CT47A2: variants seen among roughly 807,000 people sequenced by gnomAD.
CT47A2 encodes the protein cancer/testis antigen family 47 member A2, also known as cancer/testis antigen 47A.
Position 120,980,019 on chromosome X carries a change from C to A in CT47A2, c.651G>T (p.Glu217Asp). 1 allele frequency: 1 copy of A among 1 alleles called. No individual in the cohort carries two copies. The highest frequency in any genetic ancestry group is 1 in the South Asian group (1 of 1). 0.0% of individuals were successfully genotyped at this position (1 alleles called of 1,213,427 possible). ...CTGTGGCCTCCTCTGAGAGCTTCTC[C>A]TCTGCGGCCTCCTCCGCGGGCTCCC... is the stretch of plus-strand genomic sequence containing the variant. ...MAREPAEEAAEEKLSEEATEE... is the reference protein window; with the variant it reads ...MAREPAEEAADEKLSEEATEE... Residue 217 changes from glutamate to aspartate, a missense_variant, in exon 1 of 3, where the codon GAG becomes GAT. Glu to Asp is a conservative substitution (Grantham distance 45, BLOSUM62 2). Transcript: ENST00000458218.
Sources: allele counts gnomAD v4.1 joint callset, GRCh38; gene constraint gnomAD v4.1.1; transcripts MANE v1.5; gene names NCBI Gene and HGNC (gene_info 2026-07-23, HGNC 2026-07-21).